Variants in SHISA9 observed in about 807,000 individuals in gnomAD.
SHISA9 encodes the protein shisa family member 9.
Under a neutral mutation model 38.0 loss-of-function variants are expected in SHISA9, and 13 were observed. The ratio of observed to expected loss-of-function variants is 0.34; its 90% CI spans 0.22 to 0.54. The LOEUF is 0.54. Ranked by LOEUF, SHISA9 falls within the 20% of genes least tolerant of loss-of-function variation. SHISA9 has a pLI of 0.91. For synonymous variants in SHISA9, 275 were observed against 242.0 expected, an observed-to-expected ratio of 1.14 and a Z score of -1.27; for missense variants, 538 against 575.8, an observed-to-expected ratio of 0.93 and a Z score of 0.67.
intron 2 of SHISA9, among the ~76,000 whole-genome samples, chr16:13,078,740 A>G (rs2073613235): frequency 6.6e-6 from 1 of 152,118 alleles, no homozygotes; most frequent in South Asian, 2.1e-4. Flanking sequence ...AGTTGGTTGA[A>G]CCCTTGGATA....
the SHISA9 span, among the ~76,000 whole-genome samples, chr16:13,503,227 G>A: frequency 6.6e-6 from 1 of 152,174 alleles, no homozygotes; most frequent in African/African-American, 2.4e-5. Flanking sequence ...AGCATAGTGA[G>A]TAATATGGAA....
rs952101183 is a variant in SHISA9 at position 13,123,355 on chromosome 16, G to A, written c.692-80039G>A. Among the ~76,000 whole-genome samples, 191 of 152,368 alleles carry A rather than the reference G, an allele frequency of 1.3e-3. 3 individuals carry two copies. The highest frequency in any genetic ancestry group is 2.1e-4 in the Non-Finnish European group (14 of 68,038). ...GCTGGGATTGGCTTGGGCCATGGGT[G>A]GCAAGAAGATTAAATCTTGAGTGCC... On this transcript the variant is annotated intron_variant, in intron 2 of 4. Coordinates refer to ENST00000558583, the MANE Select transcript of SHISA9 (RefSeq NM_001145204.3).
chr16:13,551,221 C>T, the SHISA9 span, among the ~76,000 whole-genome samples: 5 of 152,080 alleles, frequency 3.3e-5, no homozygotes, highest in Non-Finnish European at 7.4e-5. Flanking sequence ...CACACATACA[C>T]TCCTACAAAC....
intron 2 of SHISA9, among the ~76,000 whole-genome samples, chr16:13,131,510 G>C (rs915932291): frequency 6.6e-5 from 10 of 152,082 alleles, no homozygotes; most frequent in Non-Finnish European, 1.3e-4. Context: ...ATAGCTAATG[G>C]ATGCTGGGGT....
At chr16:13,509,815 A>G in the SHISA9 span, among the ~76,000 whole-genome samples, 1 of 152,106 alleles carries the variant, frequency 6.6e-6, no homozygotes, top group Non-Finnish European at 1.5e-5. Context: ...GTCTATTTTT[A>G]TGTGATACTG....
At chr16:12,970,951 G>A (rs1173495992) in intron 2 of SHISA9, among the ~76,000 whole-genome samples, 4 of 152,126 alleles carry the variant, frequency 2.6e-5, no homozygotes, top group Non-Finnish European at 4.4e-5. Context: ...GGAGGCACTC[G>A]CAAAGTATTT....
intron 2 of SHISA9, among the ~76,000 whole-genome samples, chr16:13,004,516 A>G (rs2072570318): frequency 6.6e-6 from 1 of 152,182 alleles, no homozygotes; most frequent in East Asian, 1.9e-4. Context: ...ATTTGATCTG[A>G]TTTATGTTTT....
the SHISA9 span, among the ~76,000 whole-genome samples, chr16:13,260,007 CTTTTTTTT>C: frequency 2.1e-3 from 128 of 60,438 alleles, no homozygotes; most frequent in Non-Finnish European, 2.7e-3. Flanking sequence ...TTCTTTCTTT[CTTTTTTTT>C]TTTTTTTTTT....
chr16:13,406,028 C>A, the SHISA9 span, among the ~76,000 whole-genome samples: 1 of 151,340 alleles, frequency 6.6e-6, no homozygotes, highest in Non-Finnish European at 1.5e-5. Flanking sequence ...TTCTACACAG[C>A]AGAAGGAATA....
chr16:13,356,076 C>T, the SHISA9 span, among the ~76,000 whole-genome samples: 417 of 152,288 alleles, frequency 2.7e-3, 2 homozygotes, highest in African/African-American at 9.4e-3. Context: ...CTGGCCACTG[C>T]GGTTCAGGCG....
At chr16:13,553,136 C>A in the SHISA9 span, among the ~76,000 whole-genome samples, 4 of 152,144 alleles carry the variant, frequency 2.6e-5, no homozygotes, top group African/African-American at 4.8e-5. Flanking sequence ...TGGACCACAA[C>A]CTGCTTTCTG....
At chr16:13,090,008 T>C (rs1377399437) in intron 2 of SHISA9, among the ~76,000 whole-genome samples, 1 of 152,230 alleles carries the variant, frequency 6.6e-6, no homozygotes, top group Non-Finnish European at 1.5e-5. Flanking sequence ...TGTGTCTTTG[T>C]TCTCATTGGT....
chr16:13,055,483 G>A (rs1057072733), intron 2 of SHISA9, among the ~76,000 whole-genome samples: 1 of 152,054 alleles, frequency 6.6e-6, no homozygotes, highest in African/African-American at 2.4e-5. Flanking sequence ...CTCTATTTCT[G>A]TACCCCAAAG....
At chr16:13,139,398 C>CTTCCTTCCTTCCTTCCTTCT (rs1567224867) in intron 2 of SHISA9, among the ~76,000 whole-genome samples, 3 of 100,432 alleles carry the variant, frequency 3.0e-5, no homozygotes, top group South Asian at 8.2e-4. Context: ...TCCTTCTTTC[C>CTTCCTTCCTTCCTTCCTTCT]TTCCTTCCTT....
intron 2 of SHISA9, among the ~76,000 whole-genome samples, chr16:13,049,112 A>T (rs1201351812): frequency 6.6e-6 from 1 of 151,996 alleles, no homozygotes; most frequent in Non-Finnish European, 1.5e-5. Flanking sequence ...AATTACTGAC[A>T]GATCCAAAGG....
chr16:13,317,682 T>G, the SHISA9 span, among the ~76,000 whole-genome samples: 228 of 152,248 alleles, frequency 1.5e-3, no homozygotes, highest in African/African-American at 5.4e-3. Context: ...TCACAGGGCT[T>G]GGAGGATGTA....
At chr16:12,912,862 T>C (rs1313011779) in intron 1 of SHISA9, among the ~76,000 whole-genome samples, 2 of 152,130 alleles carry the variant, frequency 1.3e-5, no homozygotes, top group Non-Finnish European at 2.9e-5. Context: ...CCATTGGCCT[T>C]CTTGCTTGTT....
At chr16:13,490,917 A>C in the SHISA9 span, among the ~76,000 whole-genome samples, 2 of 152,108 alleles carry the variant, frequency 1.3e-5, no homozygotes, top group Non-Finnish European at 2.9e-5. Context: ...TTTTTCTTTA[A>C]TTATAAAGGC....
chr16:13,458,139 A>G, the SHISA9 span, among the ~76,000 whole-genome samples: 9 of 152,244 alleles, frequency 5.9e-5, no homozygotes, highest in African/African-American at 2.2e-4. Context: ...GAAACAGTGA[A>G]GGATAACATA....
Sources: allele counts gnomAD v4.1 joint callset (sites outside exome capture counted in the v4.1 genomes callset), GRCh38; gene constraint gnomAD v4.1.1; transcripts MANE v1.5; gene names NCBI Gene and HGNC (gene_info 2026-07-23, HGNC 2026-07-21).